CACNG3: variants seen among roughly 807,000 people sequenced by gnomAD.
CACNG3 encodes calcium voltage-gated channel auxiliary subunit gamma 3.
In CACNG3, 3 loss-of-function variants were observed where a neutral mutation model predicts 28.5. That is an observed-to-expected ratio of 0.11 (90% CI 0.05 to 0.27). The LOEUF (loss-of-function observed/expected upper bound fraction) is 0.27, where lower values mean the gene tolerates loss of function less well. CACNG3 is among the 10% of genes least tolerant of loss of function. CACNG3 has a pLI of 1.00. For missense variants in CACNG3, 236 were observed against 414.4 expected, an observed-to-expected ratio of 0.57 and a Z score of 3.74; for synonymous variants, 174 against 162.2, an observed-to-expected ratio of 1.07 and a Z score of -0.55.
chr16:24,287,836 A>G (rs1199046558), intron 1 of CACNG3, among the ~76,000 whole-genome samples: 4 of 152,132 alleles, frequency 2.6e-5, no homozygotes, highest in Admixed American at 2.0e-4. Flanking sequence ...GGCCAGGTAC[A>G]GTGGGCTTAT....
At chr16:24,296,407 C>G (rs1296511608) in intron 1 of CACNG3, among the ~76,000 whole-genome samples, 1 of 152,142 alleles carries the variant, frequency 6.6e-6, no homozygotes, top group African/African-American at 2.4e-5. Context: ...TACCAGACAC[C>G]CAGCTGTGCA....
At chr16:24,351,659 G>GATGAAAGA (rs544832000) in intron 2 of CACNG3, among the ~76,000 whole-genome samples, 3 of 65,360 alleles carry the variant, frequency 4.6e-5, no homozygotes, top group African/African-American at 2.1e-4. Flanking sequence ...GGGAAAGACA[G>GATGAAAGA]ACGAAAGAAA....
intron 3 of CACNG3, among the ~76,000 whole-genome samples, chr16:24,357,103 G>T (rs1900042573): frequency 6.6e-6 from 1 of 152,044 alleles, no homozygotes; most frequent in East Asian, 1.9e-4. Context: ...GTGTGGTGGT[G>T]CAGGCCTGTA....
At chr16:24,270,431 T>C (rs1232063962) in intron 1 of CACNG3, among the ~76,000 whole-genome samples, 1 of 152,216 alleles carries the variant, frequency 6.6e-6, no homozygotes, top group Non-Finnish European at 1.5e-5. Flanking sequence ...TGGCAGGCAA[T>C]CAAAATGCTC....
chr16:24,354,543 C>T lies in CACNG3; in HGVS notation c.296-290C>T, dbSNP rs552785337. Among the ~76,000 whole-genome samples the T allele has an allele frequency of 7.2e-5, 11 of 152,312 alleles. No homozygotes were observed. In the South Asian group the frequency reaches 2.3e-3, roughly 32 times the overall value. ...TGGAGTTCCACATAAGTCAAGTCTCCAAGCCCCAGTGCATGTGTCATTGTC... is the reference window on the plus strand; with the variant it reads ...TGGAGTTCCACATAAGTCAAGTCTCTAAGCCCCAGTGCATGTGTCATTGTC... On this transcript the variant is annotated intron_variant, in intron 2 of 3. Transcript: ENST00000005284.
At chr16:24,275,286 A>C (rs997285263) in intron 1 of CACNG3, among the ~76,000 whole-genome samples, 4 of 152,192 alleles carry the variant, frequency 2.6e-5, no homozygotes. Flanking sequence ...TTGGAGCCTG[A>C]CCACAAAGGA....
intron 1 of CACNG3, among the ~76,000 whole-genome samples, chr16:24,312,525 T>C (rs2141365129): frequency 6.6e-6 from 1 of 152,172 alleles, no homozygotes; most frequent in Admixed American, 6.5e-5. Context: ...TAAATGAAAG[T>C]ATGCTTCTGG....
At position 24,351,708 on chromosome 16, in the gene CACNG3, GAAA is replaced by G. The variant is rs1207758083; in HGVS notation, c.296-3124_296-3122del. Reference sequence around the variant, plus strand: ...AAGGAAAGAAAGAAAGAGAAAGAAAGAAAGAAAGGAGGGAGGGAGAGAGAGAGA... The same window carrying G: ...AAGGAAAGAAAGAAAGAGAAAGAAAGGAAAGGAGGGAGGGAGAGAGAGAGA... On this transcript the variant is annotated intron_variant, in intron 2 of 3. Transcript: ENST00000005284. Among the ~76,000 whole-genome samples the G allele has an allele frequency of 1.1e-4, 15 of 131,820 alleles. No individual in the cohort carries two copies. The East Asian group carries it at 2.9e-3, about 25-fold the overall frequency. The allele number at this position is 131,820 out of a possible 152,430, so 86.5% of individuals were successfully genotyped here.
At chr16:24,303,236 T>G (rs973602928) in intron 1 of CACNG3, among the ~76,000 whole-genome samples, 2 of 152,158 alleles carry the variant, frequency 1.3e-5, no homozygotes, top group Non-Finnish European at 2.9e-5. Flanking sequence ...CTCACCTACC[T>G]TTCTGTCACA....
chr16:24,305,836 G>A (rs1899178384), intron 1 of CACNG3, among the ~76,000 whole-genome samples: 1 of 152,060 alleles, frequency 6.6e-6, no homozygotes, highest in African/African-American at 2.4e-5. Flanking sequence ...TTAAAAAGAA[G>A]GAAAAAAATT....
Position 24,324,292 on chromosome 16 carries a change from G to A in CACNG3, c.212-22442G>A, listed in dbSNP as rs984266339. Among the ~76,000 whole-genome samples the A allele has an allele frequency of 3.9e-5, 6 of 152,148 alleles. 1 individual carries two copies. Among genetic ancestry groups the A allele is most frequent in the South Asian group, 4.1e-4 (2 of 4,828 alleles). On this transcript the variant is annotated intron_variant, in intron 1 of 3. Transcript: ENST00000005284. ...CAGAATTCAGCCCACAAACCCAGGTGTGTGTGAATATAACTATTTTTCTGC... is the reference window on the plus strand; with the variant it reads ...CAGAATTCAGCCCACAAACCCAGGTATGTGTGAATATAACTATTTTTCTGC...
At chr16:24,264,170 C>G (rs1231480122) in intron 1 of CACNG3, among the ~76,000 whole-genome samples, 1 of 152,238 alleles carries the variant, frequency 6.6e-6, no homozygotes, top group Non-Finnish European at 1.5e-5. Context: ...CAAGAAAACT[C>G]TAACCCGGCT....
intron 1 of CACNG3, among the ~76,000 whole-genome samples, chr16:24,273,080 A>G (rs1382231861): frequency 6.6e-6 from 1 of 152,142 alleles, no homozygotes; most frequent in Non-Finnish European, 1.5e-5. Context: ...CCCACTTATC[A>G]GTGACAACAT....
At chr16:24,357,115 T>C (rs2141384849) in intron 3 of CACNG3, among the ~76,000 whole-genome samples, 1 of 151,758 alleles carries the variant, frequency 6.6e-6, no homozygotes, top group South Asian at 2.1e-4. Context: ...AGGCCTGTAG[T>C]CACAGTTACT....
At chr16:24,273,850 T>C (rs1294298144) in intron 1 of CACNG3, among the ~76,000 whole-genome samples, 1 of 152,214 alleles carries the variant, frequency 6.6e-6, no homozygotes, top group Non-Finnish European at 1.5e-5. Flanking sequence ...AGGAGTTTTT[T>C]TAACAGATCA....
At chr16:24,287,514 CAAAAAAA>C (rs748719520) in intron 1 of CACNG3, among the ~76,000 whole-genome samples, 10 of 31,316 alleles carry the variant, frequency 3.2e-4, no homozygotes, top group Admixed American at 1.6e-3. Context: ...CGAGACTCTC[CAAAAAAA>C]AAAAAAAAAA....
intron 1 of CACNG3, among the ~76,000 whole-genome samples, chr16:24,310,613 A>C (rs1899248701): frequency 6.6e-6 from 1 of 152,144 alleles, no homozygotes; most frequent in Non-Finnish European, 1.5e-5. Flanking sequence ...CATGCCTGGC[A>C]CTGTTCTAAT....
At chr16:24,319,217 A>G (rs1899424880) in intron 1 of CACNG3, among the ~76,000 whole-genome samples, 1 of 152,244 alleles carries the variant, frequency 6.6e-6, no homozygotes, top group Non-Finnish European at 1.5e-5. Flanking sequence ...AGGCATTGCA[A>G]TGGGAATACA....
chr16:24,300,802 C>A (rs1345051261), intron 1 of CACNG3, among the ~76,000 whole-genome samples: 1 of 151,930 alleles, frequency 6.6e-6, no homozygotes, highest in South Asian at 2.1e-4. Flanking sequence ...GCCTGTAATC[C>A]CAGCACTTTT....
Sources: allele counts gnomAD v4.1 joint callset (sites outside exome capture counted in the v4.1 genomes callset), GRCh38; gene constraint gnomAD v4.1.1; transcripts MANE v1.5; gene names NCBI Gene and HGNC (gene_info 2026-07-23, HGNC 2026-07-21).